CSE1L: variants seen among roughly 807,000 people sequenced by gnomAD.
The protein encoded by CSE1L is exportin-2.
Under a neutral mutation model 120.4 loss-of-function variants are expected in CSE1L, and 24 were observed. The observed-to-expected ratio is 0.20, with a 90% CI of 0.14 to 0.28. The LOEUF is 0.28. CSE1L is among the 10% of genes least tolerant of loss of function. CSE1L has a pLI of 1.00. For missense variants in CSE1L, 830 were observed against 1,145.2 expected (o/e 0.72, Z 3.97); for synonymous variants, 402 against 398.3 (o/e 1.01, Z -0.11).
intron 14 of CSE1L, among the ~76,000 whole-genome samples, chr20:49,080,887 T>G (rs2092007235): frequency 6.6e-6 from 1 of 152,186 alleles, no homozygotes. Context: ...GTGACCCTTT[T>G]GCCTAAGCCT....
intron 1 of CSE1L, among the ~76,000 whole-genome samples, chr20:49,056,435 A>G (rs1160380498): frequency 6.6e-6 from 1 of 152,168 alleles, no homozygotes; most frequent in Non-Finnish European, 1.5e-5. Flanking sequence ...CAATTTACAT[A>G]CTATAAGATT....
intron 12 of CSE1L, among the ~76,000 whole-genome samples, chr20:49,076,265 G>A (rs940247682): frequency 3.9e-5 from 6 of 152,130 alleles, no homozygotes; most frequent in East Asian, 1.9e-4. Context: ...TTGGCTCACC[G>A]CAACCTCCGT....
chr20:49,085,673 G>A lies in CSE1L; in HGVS notation c.1723+287G>A, dbSNP rs546351535. 1.4e-4 allele frequency among the ~76,000 whole-genome samples: 19 copies of A among 140,288 alleles called. 1 individual carries two copies. In the East Asian group the frequency reaches 2.9e-3, roughly 21 times the overall value. The allele number at this position is 140,288 out of a possible 152,430, so 92.0% of individuals were successfully genotyped here. ...TGCCACCTCTCCCTCCTGGGTTCAA[G>A]CGATTCTCCTGCCTCAGCCTCCCGA... On this transcript the variant is annotated intron_variant, in intron 16 of 24. Coordinates refer to ENST00000262982, the MANE Select transcript of CSE1L (RefSeq NM_001316.4).
At chr20:49,075,081 C>A (rs2091959869) in intron 11 of CSE1L, among the ~76,000 whole-genome samples, 1 of 151,694 alleles carries the variant, frequency 6.6e-6, no homozygotes, top group African/African-American at 2.4e-5. Context: ...TATCAAAATT[C>A]TGTGATTCTG....
intron 15 of CSE1L, among the ~76,000 whole-genome samples, chr20:49,084,943 G>A (rs1242646413): frequency 6.6e-6 from 1 of 151,974 alleles, no homozygotes; most frequent in Non-Finnish European, 1.5e-5. Context: ...CTGAATCTTG[G>A]CTCCACCTCC....
At chr20:49,059,772 C>G (rs1462668439) in intron 2 of CSE1L, among the ~76,000 whole-genome samples, 1 of 151,876 alleles carries the variant, frequency 6.6e-6, no homozygotes, top group Non-Finnish European at 1.5e-5. Context: ...CCCAGCTGCT[C>G]AAGAGGCTGA....
At chr20:49,069,772 G>A (rs926316165) in intron 7 of CSE1L, among the ~76,000 whole-genome samples, 21 of 152,122 alleles carry the variant, frequency 1.4e-4, no homozygotes, top group Non-Finnish European at 1.3e-4. Flanking sequence ...TACCCTCAGG[G>A]GACTTGTACC....
rs2091958444 is a variant in CSE1L at position 49,074,799 on chromosome 20, G to A, written c.1081G>A (p.Ala361Thr). ...TCTCCTTGTAGCTGCTGATGAAGAA[G>A]CATTTGAAGATAATTCTGAGGAGTA... ...NMEFRAADEEAFEDNSEEYIR... is the reference protein window; with the variant it reads ...NMEFRAADEETFEDNSEEYIR... The change falls in exon 11 of 25, where the codon GCA (alanine) becomes ACA (threonine). Residue 361 changes from alanine (A) to threonine (T), a missense_variant. By Grantham distance (58) the Ala-to-Thr change is moderately conservative. Coordinates refer to ENST00000262982, the MANE Select transcript of CSE1L (RefSeq NM_001316.4). 6.2e-7 allele frequency: 1 copy of A among 1,612,732 alleles called. No homozygotes were observed. The highest frequency in any genetic ancestry group is 1.3e-5 in the African/African-American group (1 of 75,006).
In CSE1L at chr20:49,085,274, C is replaced by T; in HGVS notation, c.1620-9C>T. ...TGGTAGTGACTGAAAGCTGTTTTTTCATCTATAGCTTTACAGCTGCAGAAA... is the reference window on the plus strand; with the variant it reads ...TGGTAGTGACTGAAAGCTGTTTTTTTATCTATAGCTTTACAGCTGCAGAAA... On this transcript the variant is annotated splice_polypyrimidine_tract_variant and intron_variant, in intron 15 of 24. Transcript: ENST00000262982. 1 of 1,610,702 alleles carries T rather than the reference C, an allele frequency of 6.2e-7. No homozygotes were observed. Among genetic ancestry groups the T allele is most frequent in the Non-Finnish European group, 8.5e-7 (1 of 1,177,436 alleles).
At chr20:49,064,017 G>T (rs1036172917) in intron 3 of CSE1L, among the ~76,000 whole-genome samples, 1 of 152,156 alleles carries the variant, frequency 6.6e-6, no homozygotes, top group African/African-American at 2.4e-5. Context: ...ATTCTCAACT[G>T]GGGGCAGTTT....
intron 1 of CSE1L, among the ~76,000 whole-genome samples, chr20:49,046,816 G>A (rs535534302): frequency 6.6e-6 from 1 of 152,362 alleles, no homozygotes; most frequent in East Asian, 1.9e-4. Flanking sequence ...TCCATTCTCT[G>A]CGACGGTGGC....
At chr20:49,076,915 T>A in intron 12 of CSE1L, 65 bp from the exon 13 acceptor site, 1 of 1,037,300 alleles carries the variant, frequency 9.6e-7, no homozygotes, top group Non-Finnish European at 1.4e-6. Context: ...ATTGCCTGAA[T>A]TTCTAATGTG....
chr20:49,066,229 G>A lies in CSE1L; in HGVS notation c.266G>A (p.Arg89Gln), dbSNP rs754283301. ...CCAAACAAAATTTGTGAAGCCGATC[G>A]AGTGGCCATTAAAGCCAACATAGTG... ...DEPNKICEAD[R>Q]VAIKANIVHL... is the part of the protein sequence containing the mutation. The change falls in exon 4 of 25, where the codon CGA becomes CAA. Residue 89 changes from arginine to glutamine, a missense_variant. Arg to Gln is a conservative substitution (Grantham distance 43). This residue lies in a region of CSE1L where 543 missense variants were observed against 640.2 expected (regional missense o/e 0.85). Coordinates refer to ENST00000262982, the MANE Select transcript of CSE1L (RefSeq NM_001316.4). The A allele has an allele frequency of 7.4e-6, 12 of 1,614,178 alleles. No homozygotes were observed. The highest frequency in any genetic ancestry group is 6.7e-5 in the East Asian group (3 of 44,886).
rs370388297 is a variant in CSE1L at position 49,076,875 on chromosome 20, T to C, written c.1336-105T>C. ...CATAAGCAATTTGTATTTTGAAGTG[T>C]TCATCTCCATTTTAACATGGTTTTC... On this transcript the variant is annotated intron_variant, in intron 12 of 24. Coordinates refer to ENST00000262982, the MANE Select transcript of CSE1L (RefSeq NM_001316.4). 68 of 649,366 alleles carry C rather than the reference T, an allele frequency of 1.0e-4. 1 individual carries two copies. The East Asian group carries it at 1.2e-3, about 11-fold the overall frequency. 40.2% of individuals were successfully genotyped at this position (649,366 alleles called of 1,614,324 possible). A position where few individuals can be genotyped will look rare whatever the true frequency, so the allele number is the denominator to read the frequency against.
chr20:49,066,210 A>C lies in CSE1L; in HGVS notation c.247A>C (p.Lys83Gln), dbSNP rs759072407. Residue 83 changes from lysine (K) to glutamine (Q), a missense_variant, in exon 4 of 25, where the codon AAA becomes CAA. Coordinates refer to ENST00000262982, the MANE Select transcript of CSE1L (RefSeq NM_001316.4). ...NWRIVEDEPNKICEADRVAIK... is the reference protein window; with the variant it reads ...NWRIVEDEPNQICEADRVAIK... ...CTTTTAGGTTGAAGATGAACCAAAC[A>C]AAATTTGTGAAGCCGATCGAGTGGC... The C allele has an allele frequency of 3.7e-6, 6 of 1,614,102 alleles. No homozygotes were observed. The African/African-American group carries it at 8.0e-5, about 22-fold the overall frequency.
intron 15 of CSE1L, 151 bp downstream of exon 15, chr20:49,084,313 A>G: frequency 1.3e-6 from 1 of 784,380 alleles, no homozygotes; most frequent in Admixed American, 3.1e-5. Flanking sequence ...AAAGCATTTG[A>G]GGCTGCTTAC....
chr20:49,066,028 T>G (rs944836903), intron 3 of CSE1L, among the ~76,000 whole-genome samples, 164 bp from the exon 4 acceptor site: 1 of 152,190 alleles, frequency 6.6e-6, no homozygotes, highest in Non-Finnish European at 1.5e-5. Context: ...ATTGAAGGAA[T>G]CTGTGACCCA....
At chr20:49,064,695 A>T (rs2091877542) in intron 3 of CSE1L, among the ~76,000 whole-genome samples, 1 of 152,142 alleles carries the variant, frequency 6.6e-6, no homozygotes, top group Admixed American at 6.6e-5. Context: ...CTTGGGCAAC[A>T]GTGCCAGACA....
At chr20:49,052,205 C>T (rs895555368) in intron 1 of CSE1L, among the ~76,000 whole-genome samples, 2 of 152,152 alleles carry the variant, frequency 1.3e-5, no homozygotes, top group Admixed American at 1.3e-4. Context: ...GTGACTTATC[C>T]TTTAGTTCAT....
Sources: gnomAD v4.1 joint callset for allele counts (sites outside exome capture counted in the v4.1 genomes callset) on GRCh38, gnomAD v4.1.1 for gene constraint, gnomAD v4.1.1 regional missense constraint, MANE v1.5 for transcripts, NCBI Gene and HGNC (gene_info 2026-07-23, HGNC 2026-07-21) for gene names.